Variants in ATP5MC2 observed in about 807,000 individuals in gnomAD.
ATP5MC2 encodes ATP synthase F(0) complex subunit C2, mitochondrial.
A neutral mutation model predicts 13.5 loss-of-function variants in ATP5MC2; 11 were observed. The ratio of observed to expected loss-of-function variants is 0.81; its 90% CI spans 0.51 to 1.35. The LOEUF (loss-of-function observed/expected upper bound fraction) is 1.35. ATP5MC2 is among the 40% of genes most tolerant of loss of function. The probability of loss-of-function intolerance (pLI) is 0.00; values close to 1 mark genes in which losing one functional copy is unlikely to be tolerated. For synonymous variants in ATP5MC2, 64 were observed against 69.7 expected (o/e 0.92, Z 0.41); for missense variants, 132 against 175.0 (o/e 0.75, Z 1.39).
upstream of ATP5MC2, among the ~76,000 whole-genome samples, chr12:53,677,732 G>A (rs758809080): frequency 1.7e-4 from 26 of 152,230 alleles, no homozygotes; most frequent in Non-Finnish European, 3.4e-4. Flanking sequence ...CAGGTACGTG[G>A]GAAATGGAAC....
In ATP5MC2 at chr12:53,672,634, G is replaced by T; in HGVS notation, c.-20C>A. On this transcript the variant is annotated 5_prime_UTR_variant, in exon 2 of 5. Coordinates refer to ENST00000394349, the MANE Select transcript of ATP5MC2 (RefSeq NM_005176.7). ...GAACATTTTCAGGGGGTGAGGAGCT[G>T]TGGCAGGAGAGCTGGAATTACAGAA... 6.3e-7 allele frequency: 1 copy of T among 1,578,486 alleles called. No individual in the cohort carries two copies. The highest frequency in any genetic ancestry group is 8.6e-7 in the Non-Finnish European group (1 of 1,161,728).
intron 1 of ATP5MC2, among the ~76,000 whole-genome samples, chr12:53,675,522 T>TTC (rs1945237918): frequency 6.6e-6 from 1 of 152,216 alleles, no homozygotes; most frequent in Non-Finnish European, 1.5e-5. Flanking sequence ...TGGCTTTTTT[T>TTC]CCCACTTCTA....
chr12:53,676,666 G>A (rs571640108), upstream of ATP5MC2: 14 of 182,382 alleles, frequency 7.7e-5, no homozygotes, highest in South Asian at 8.8e-4. Flanking sequence ...GCATCAGCGA[G>A]CCAGAAGATA....
chr12:53,667,956 C>CACATATATATAT (rs1390194186), intron 4 of ATP5MC2, among the ~76,000 whole-genome samples: 78 of 67,228 alleles, frequency 1.2e-3, no homozygotes, highest in African/African-American at 2.8e-3. Flanking sequence ...CATACACACA[C>CACATATATATAT]ATATATATAT....
upstream of ATP5MC2, chr12:53,676,365 T>TTGC: frequency 1.1e-6 from 1 of 904,296 alleles, no homozygotes; most frequent in Non-Finnish European, 1.6e-6. Context: ...ATCTCGGACT[T>TTGC]GCGTCCCCTT....
chr12:53,667,956 C>CATTATATATAT (rs1944971914), intron 4 of ATP5MC2, among the ~76,000 whole-genome samples: 1 of 67,362 alleles, frequency 1.5e-5, no homozygotes, highest in African/African-American at 4.7e-5. Context: ...CATACACACA[C>CATTATATATAT]ATATATATAT....
chr12:53,680,440 T>C (rs1945334822), upstream of ATP5MC2, among the ~76,000 whole-genome samples: 1 of 152,296 alleles, frequency 6.6e-6, no homozygotes, highest in South Asian at 2.1e-4. Flanking sequence ...TGCAGCAGGA[T>C]TTAATAGGCT....
upstream of ATP5MC2, chr12:53,676,324 G>A (rs914650373): frequency 1.4e-5 from 20 of 1,394,198 alleles, no homozygotes; most frequent in South Asian, 2.8e-5. Flanking sequence ...TCCGTAACGT[G>A]GACTGCGGTT....
chr12:53,675,323 C>T (rs1164536376), intron 1 of ATP5MC2, among the ~76,000 whole-genome samples: 1 of 152,170 alleles, frequency 6.6e-6, no homozygotes. Context: ...TTGGCCTTAC[C>T]CCACCTTTCT....
At chr12:53,667,952 C>T (rs867697981) in intron 4 of ATP5MC2, among the ~76,000 whole-genome samples, 1,382 of 110,458 alleles carry the variant, frequency 0.013, 48 homozygotes, top group African/African-American at 0.041. Context: ...CATACATACA[C>T]ACACATATAT....
At chr12:53,672,083 C>CAAAAGAAAAAAAAAAAAAAA (rs1945110770) in intron 2 of ATP5MC2, among the ~76,000 whole-genome samples, 1 of 47,186 alleles carries the variant, frequency 2.1e-5, no homozygotes, top group Non-Finnish European at 3.8e-5. Flanking sequence ...AACTCTGTCT[C>CAAAAGAAAAAAAAAAAAAAA]AAAAAAAAAA....
chr12:53,677,428 T>G (rs1458048769), upstream of ATP5MC2: 2 of 152,356 alleles, frequency 1.3e-5, no homozygotes, highest in East Asian at 3.9e-4. Context: ...GCCCCGAGTT[T>G]AATTATCCTC....
intron 4 of ATP5MC2, among the ~76,000 whole-genome samples, chr12:53,668,624 A>C (rs145423000): frequency 6.6e-6 from 1 of 152,226 alleles, no homozygotes; most frequent in Non-Finnish European, 1.5e-5. Context: ...TGCATTGTTG[A>C]ATATGGTAGC....
At chr12:53,679,550 A>G (rs1945330039), upstream of ATP5MC2, among the ~76,000 whole-genome samples, 1 of 152,234 alleles carries the variant, frequency 6.6e-6, no homozygotes, top group African/African-American at 2.4e-5. Context: ...TGGAAAAATC[A>G]GGGAGAGAAG....
In ATP5MC2 at chr12:53,669,837, C is replaced by G. The variant is rs375797649; in HGVS notation, c.117+34G>C. 5.2e-5 allele frequency: 83 copies of G among 1,611,360 alleles called. No homozygotes were observed. In the Middle Eastern group the frequency reaches 7.3e-4, roughly 14 times the overall value. On this transcript the variant is annotated intron_variant, in intron 3 of 4. Coordinates refer to ENST00000394349, the MANE Select transcript of ATP5MC2 (RefSeq NM_005176.7). The stretch of plus-strand genomic sequence containing the variant: ...AGGTAACCCTCCCCACCCATCACCC[C>G]CAAAACCACAGTCCCAACTCCACTG...
intron 4 of ATP5MC2, among the ~76,000 whole-genome samples, chr12:53,666,036 G>A (rs1261267438): frequency 1.3e-5 from 2 of 152,312 alleles, no homozygotes. Context: ...GGCTGGGTGC[G>A]GTGGCTCACA....
chr12:53,676,321 C>G (rs923967815), upstream of ATP5MC2: 8 of 1,404,912 alleles, frequency 5.7e-6, no homozygotes, highest in African/African-American at 1.4e-5. Flanking sequence ...CGATCCGTAA[C>G]GTGGACTGCG....
upstream of ATP5MC2, chr12:53,676,647 A>G (rs934210929): frequency 5.4e-6 from 1 of 186,724 alleles, no homozygotes; most frequent in African/African-American, 2.3e-5. Context: ...ATAAACCATG[A>G]GAGAAGCAGC....
chr12:53,676,030 G>T (rs773846432), intron 1 of ATP5MC2, 23 bp downstream of exon 1: 4 of 1,610,052 alleles, frequency 2.5e-6, no homozygotes, highest in South Asian at 1.1e-5. Flanking sequence ...GCGCACAGAG[G>T]GCTCTAGGTC....
Sources: allele counts gnomAD v4.1 joint callset (sites outside exome capture counted in the v4.1 genomes callset), GRCh38; gene constraint gnomAD v4.1.1; transcripts MANE v1.5; gene names NCBI Gene and HGNC (gene_info 2026-07-23, HGNC 2026-07-21).